SGCZ: variants seen among roughly 807,000 people sequenced by gnomAD.
The protein encoded by SGCZ is zeta-sarcoglycan.
In SGCZ, 40 loss-of-function variants were observed where a neutral mutation model predicts 41.3. The observed-to-expected ratio is 0.97, with a 90% CI of 0.75 to 1.26. The LOEUF (loss-of-function observed/expected upper bound fraction) is 1.26. Among genes scored for constraint, SGCZ ranks in the 50% most tolerant of loss-of-function variants. The pLI is 0.00. For synonymous variants in SGCZ, 206 were observed against 137.5 expected (o/e 1.50, Z -3.49); for missense variants, 552 against 369.8 (o/e 1.49, Z -4.04).
chr8:14,264,267 G>C (rs1799783239), intron 3 of SGCZ, among the ~76,000 whole-genome samples: 1 of 152,158 alleles, frequency 6.6e-6, no homozygotes, highest in South Asian at 2.1e-4. Flanking sequence ...CAGGGATGCT[G>C]TGTGTTTAAG....
chr8:15,185,352 C>A (rs11785338), intron 1 of SGCZ, among the ~76,000 whole-genome samples: 50,554 of 152,062 alleles, frequency 0.33, 10,841 homozygotes, highest in Non-Finnish European at 0.45. Flanking sequence ...TGGTTTTTAA[C>A]ATAATTAGTT....
intron 1 of SGCZ, among the ~76,000 whole-genome samples, chr8:14,918,899 T>C (rs1462717012): frequency 1.3e-5 from 2 of 152,142 alleles, no homozygotes; most frequent in Admixed American, 1.3e-4. Context: ...GATACATAAA[T>C]ATCATCAATC....
chr8:14,608,334 A>G (rs543585085), intron 1 of SGCZ, among the ~76,000 whole-genome samples: 1 of 151,982 alleles, frequency 6.6e-6, no homozygotes, highest in South Asian at 2.1e-4. Context: ...GTAATTTATA[A>G]AGAAAAGAGG....
chr8:14,730,100 CA>C (rs1585214986), intron 1 of SGCZ, among the ~76,000 whole-genome samples: 2 of 152,006 alleles, frequency 1.3e-5, no homozygotes, highest in East Asian at 1.9e-4. Context: ...AACAAGCAAA[CA>C]AAAAAACCAT....
intron 1 of SGCZ, among the ~76,000 whole-genome samples, chr8:14,584,742 G>C (rs1805005402): frequency 6.6e-6 from 1 of 151,918 alleles, no homozygotes; most frequent in Non-Finnish European, 1.5e-5. Context: ...ATAAAGAAGG[G>C]AAAAGGGAAG....
chr8:15,155,554 C>T (rs1799305043), intron 1 of SGCZ, among the ~76,000 whole-genome samples: 1 of 152,172 alleles, frequency 6.6e-6, no homozygotes, highest in African/African-American at 2.4e-5. Context: ...GTATACGAAA[C>T]CAGCCAACTG....
At chr8:15,223,113 C>G (rs528448270) in intron 1 of SGCZ, among the ~76,000 whole-genome samples, 1 of 152,054 alleles carries the variant, frequency 6.6e-6, no homozygotes, top group South Asian at 2.1e-4. Context: ...TTAAAGCATA[C>G]CTTATGATGC....
intron 1 of SGCZ, among the ~76,000 whole-genome samples, chr8:14,758,653 A>G (rs1403198977): frequency 1.3e-5 from 2 of 152,210 alleles, no homozygotes; most frequent in African/African-American, 2.4e-5. Context: ...CAGTCAAATA[A>G]TATTTCAAAT....
chr8:14,102,099 TATATA>T (rs869110652), intron 7 of SGCZ, among the ~76,000 whole-genome samples: 2,434 of 115,372 alleles, frequency 0.021, 44 homozygotes, highest in Admixed American at 0.04. Flanking sequence ...TATATATATA[TATATA>T]ATTTTTTTTT....
chr8:14,441,779 T>G (rs1020578764), intron 2 of SGCZ, among the ~76,000 whole-genome samples: 8 of 152,170 alleles, frequency 5.3e-5, no homozygotes, highest in African/African-American at 1.9e-4. Flanking sequence ...TTAACTCAAG[T>G]GGTGACTTTC....
chr8:14,807,604 T>C lies in SGCZ; in HGVS notation c.40-252678A>G, dbSNP rs1433559480. ...GAGGATACAAACAAATGGAAGAACA[T>C]TCCATGCTCAAGGGTAGGAAGAATC... On this transcript the variant is annotated intron_variant, in intron 1 of 7. Transcript: ENST00000382080. 2.6e-5 allele frequency among the ~76,000 whole-genome samples: 4 copies of C among 151,826 alleles called. No individual in the cohort carries two copies. The South Asian group carries it at 8.4e-4, about 32-fold the overall frequency.
intron 2 of SGCZ, among the ~76,000 whole-genome samples, chr8:14,484,230 T>C (rs1304980616): frequency 1.3e-5 from 2 of 152,194 alleles, no homozygotes; most frequent in African/African-American, 2.4e-5. Flanking sequence ...TCTGATATTT[T>C]TTATTTCCAT....
At chr8:14,201,691 G>A (rs1805460768) in intron 4 of SGCZ, among the ~76,000 whole-genome samples, 3 of 152,146 alleles carry the variant, frequency 2.0e-5, no homozygotes, top group Admixed American at 2.0e-4. Context: ...CCTCTTGATT[G>A]TGGTTGTAGT....
At chr8:14,231,069 T>C in intron 4 of SGCZ, among the ~76,000 whole-genome samples, 1 of 151,990 alleles carries the variant, frequency 6.6e-6, no homozygotes, top group East Asian at 1.9e-4. Flanking sequence ...TTAATCAGCC[T>C]ATGTGTATGG....
chr8:14,682,661 C>A (rs966077684), intron 1 of SGCZ, among the ~76,000 whole-genome samples: 1 of 152,140 alleles, frequency 6.6e-6, no homozygotes, highest in East Asian at 1.9e-4. Context: ...GTCTCGATCT[C>A]CTGACCTTGT....
chr8:14,364,821 C>T (rs916470778), intron 2 of SGCZ, among the ~76,000 whole-genome samples: 4 of 151,954 alleles, frequency 2.6e-5, no homozygotes, highest in African/African-American at 9.7e-5. Flanking sequence ...AATCTTTGCC[C>T]ATGGTGTTCT....
intron 1 of SGCZ, among the ~76,000 whole-genome samples, chr8:14,916,868 A>G (rs957961829): frequency 6.6e-6 from 1 of 152,170 alleles, no homozygotes; most frequent in Non-Finnish European, 1.5e-5. Context: ...TTTAAAAAAA[A>G]CAATGTTTAT....
intron 1 of SGCZ, among the ~76,000 whole-genome samples, chr8:15,069,999 A>T (rs139649629): frequency 1.3e-5 from 2 of 152,296 alleles, no homozygotes; most frequent in East Asian, 3.9e-4. Flanking sequence ...TAATTTAGGC[A>T]AATAAGTATG....
chr8:14,748,174 CTG>C (rs1488194650), intron 1 of SGCZ, among the ~76,000 whole-genome samples: 6 of 152,058 alleles, frequency 3.9e-5, no homozygotes, highest in African/African-American at 1.4e-4. Flanking sequence ...TAATATATCA[CTG>C]TGCTGAGGTT....
Sources: gnomAD v4.1 joint callset for allele counts (sites outside exome capture counted in the v4.1 genomes callset) on GRCh38, gnomAD v4.1.1 for gene constraint, MANE v1.5 for transcripts, NCBI Gene and HGNC (gene_info 2026-07-23, HGNC 2026-07-21) for gene names.